Variants in SIMC1 observed in about 807,000 individuals in gnomAD.
SIMC1 encodes the protein SUMO interacting motifs containing 1.
SIMC1 carries 55 observed loss-of-function variants against 82.3 expected under a neutral mutation model. The ratio of observed to expected loss-of-function variants is 0.67; its 90% CI spans 0.54 to 0.84. The LOEUF (loss-of-function observed/expected upper bound fraction) is 0.84, where lower values mean the gene tolerates loss of function less well. Ranked by LOEUF, SIMC1 falls within the 40% of genes least tolerant of loss-of-function variation. The pLI, the probability that SIMC1 is intolerant of heterozygous loss-of-function variation, is 0.00. For synonymous variants in SIMC1, 353 were observed against 426.3 expected (o/e 0.83, Z 2.12); for missense variants, 915 against 1,107.2 (o/e 0.83, Z 2.46).
chr5:176,273,689 G>A (rs1039513874), intron 1 of SIMC1, among the ~76,000 whole-genome samples: 4 of 152,040 alleles, frequency 2.6e-5, no homozygotes, highest in African/African-American at 4.8e-5. Flanking sequence ...AGAGTGTGAT[G>A]TTTCCCTTCC....
At chr5:176,243,597 C>T (rs1761339908) in intron 1 of SIMC1, among the ~76,000 whole-genome samples, 1 of 151,954 alleles carries the variant, frequency 6.6e-6, no homozygotes, top group South Asian at 2.1e-4. Context: ...TCTCGGCTCA[C>T]TGCAACCCCC....
chr5:176,289,852 G>A lies in SIMC1; in HGVS notation c.328G>A (p.Glu110Lys), dbSNP rs1763462218. The change falls in exon 2 of 10, where the codon GAA becomes AAA. Residue 110 changes from glutamate (E) to lysine (K), a missense_variant. By Grantham distance (56) the Glu-to-Lys change is moderately conservative (BLOSUM62 1). Around this residue, in one of 2 missense-constraint regions of SIMC1, gnomAD observed 902 missense variants for 1,040.3 expected, o/e 0.87. Coordinates refer to ENST00000429602, the MANE Select transcript of SIMC1 (RefSeq NM_001308195.2). ...CASLSGKAVM[E>K]GHVDRSSQPT... ...CAGCCTCTCTGGCAAAGCGGTGATG[G>A]AAGGGCACGTGGACAGAAGCTCTCA... 1.2e-6 allele frequency: 2 copies of A among 1,613,826 alleles called. No homozygotes were observed. The highest frequency in any genetic ancestry group is 1.7e-6 in the Non-Finnish European group (2 of 1,179,894).
chr5:176,262,674 G>A (rs1386925913), intron 1 of SIMC1, among the ~76,000 whole-genome samples: 2 of 152,156 alleles, frequency 1.3e-5, no homozygotes, highest in African/African-American at 4.8e-5. Context: ...GCATGGTGGT[G>A]AGCACCTGTA....
At chr5:176,251,173 A>G (rs145877050) in intron 1 of SIMC1, among the ~76,000 whole-genome samples, 2,433 of 152,244 alleles carry the variant, frequency 0.016, 55 homozygotes, top group African/African-American at 0.056. Context: ...CATCCTGGGC[A>G]ACATGGTGAA....
intron 4 of SIMC1, among the ~76,000 whole-genome samples, chr5:176,312,562 C>CT (rs1318056040): frequency 7.4e-6 from 1 of 134,546 alleles, no homozygotes; most frequent in African/African-American, 2.7e-5. Context: ...AAAAAAAAAT[C>CT]TAGCACAGGT....
intron 1 of SIMC1, among the ~76,000 whole-genome samples, chr5:176,281,361 T>TAAAG (rs1762998699): frequency 6.6e-6 from 1 of 152,214 alleles, no homozygotes; most frequent in South Asian, 2.1e-4. Context: ...TTTAACTTCT[T>TAAAG]TGCCTTTGGT....
chr5:176,281,574 C>G (rs1763007526), intron 1 of SIMC1, among the ~76,000 whole-genome samples: 2 of 152,076 alleles, frequency 1.3e-5, no homozygotes, highest in South Asian at 4.1e-4. Flanking sequence ...TCCTTTTGGT[C>G]TTTGATGATG....
intron 7 of SIMC1, among the ~76,000 whole-genome samples, chr5:176,330,998 C>T (rs993221820): frequency 1.3e-5 from 2 of 152,128 alleles, no homozygotes; most frequent in Non-Finnish European, 2.9e-5. Context: ...CAACAAAACA[C>T]CATTTTTTCA....
At chr5:176,316,155 A>G (rs555665778) in intron 5 of SIMC1, among the ~76,000 whole-genome samples, 25 of 152,320 alleles carry the variant, frequency 1.6e-4, no homozygotes, top group African/African-American at 5.5e-4. Flanking sequence ...AGCCTGGGTG[A>G]CAGAGCGAGA....
chr5:176,319,348 A>G (rs1025507417), intron 5 of SIMC1, among the ~76,000 whole-genome samples: 5 of 151,708 alleles, frequency 3.3e-5, no homozygotes, highest in African/African-American at 1.2e-4. Context: ...GAGCCCTTTT[A>G]TTTTTTCTCT....
chr5:176,329,200 G>A (rs980021237), intron 7 of SIMC1, among the ~76,000 whole-genome samples: 10 of 152,136 alleles, frequency 6.6e-5, no homozygotes, highest in Admixed American at 2.0e-4. Flanking sequence ...GGCCGGGCGC[G>A]GGGGCTCACG....
At chr5:176,281,590 G>A (rs148990088) in intron 1 of SIMC1, among the ~76,000 whole-genome samples, 21,375 of 152,092 alleles carry the variant, frequency 0.14, 1,522 homozygotes, top group Middle Eastern at 0.21. Context: ...TGATGGTGAT[G>A]TACGGATGGG....
intron 1 of SIMC1, among the ~76,000 whole-genome samples, chr5:176,284,208 T>A (rs1763154460): frequency 6.6e-6 from 1 of 152,194 alleles, no homozygotes; most frequent in Non-Finnish European, 1.5e-5. Flanking sequence ...CCACCCCAAA[T>A]GAACAGAATA....
chr5:176,296,914 T>C (rs1479419433), intron 4 of SIMC1, among the ~76,000 whole-genome samples: 1 of 152,160 alleles, frequency 6.6e-6, no homozygotes, highest in Non-Finnish European at 1.5e-5. Flanking sequence ...GAATGAAGAT[T>C]AGGGAGACCT....
At chr5:176,245,291 C>T (rs1319487344) in intron 1 of SIMC1, among the ~76,000 whole-genome samples, 2 of 152,048 alleles carry the variant, frequency 1.3e-5, no homozygotes, top group African/African-American at 4.8e-5. Flanking sequence ...AAGCAGAAAC[C>T]GAAGTTATGC....
At chr5:176,258,551 C>T (rs1320088060) in intron 1 of SIMC1, among the ~76,000 whole-genome samples, 2 of 150,832 alleles carry the variant, frequency 1.3e-5, no homozygotes, top group Non-Finnish European at 1.5e-5. Flanking sequence ...GAAAAATAGA[C>T]TCACGAGAGT....
intron 7 of SIMC1, among the ~76,000 whole-genome samples, chr5:176,328,610 G>A (rs555654157): frequency 1.1e-4 from 16 of 152,188 alleles, no homozygotes; most frequent in African/African-American, 2.7e-4. Context: ...CAAGTTTAGC[G>A]TTCCAATAAT....
At chr5:176,302,287 C>T (rs1237130286) in intron 4 of SIMC1, among the ~76,000 whole-genome samples, 1 of 152,080 alleles carries the variant, frequency 6.6e-6, no homozygotes, top group Non-Finnish European at 1.5e-5. Flanking sequence ...AAATGTGATA[C>T]ACCATATTAC....
At chr5:176,331,941 C>A (rs2113396023) in intron 7 of SIMC1, among the ~76,000 whole-genome samples, 1 of 151,950 alleles carries the variant, frequency 6.6e-6, no homozygotes, top group East Asian at 2.0e-4. Flanking sequence ...TGCACTCCAG[C>A]CTGGGCAACA....
Sources: gnomAD v4.1 joint callset for allele counts (sites outside exome capture counted in the v4.1 genomes callset) on GRCh38, gnomAD v4.1.1 for gene constraint, gnomAD v4.1.1 regional missense constraint, MANE v1.5 for transcripts, NCBI Gene and HGNC (gene_info 2026-07-23, HGNC 2026-07-21) for gene names.